Variants in FHIT observed in about 807,000 individuals in gnomAD.
FHIT encodes the protein bis(5'-adenosyl)-triphosphatase.
FHIT carries 19 observed loss-of-function variants against 17.9 expected under a neutral mutation model. The ratio of observed to expected loss-of-function variants is 1.06; its 90% CI spans 0.74 to 1.56. FHIT has a LOEUF of 1.56. FHIT is among the 40% of genes most tolerant of loss of function. The pLI is 0.00. For missense variants in FHIT, 248 were observed against 189.2 expected (o/e 1.31, Z -1.82); for synonymous variants, 81 against 69.7 (o/e 1.16, Z -0.81).
intron 3 of FHIT, among the ~76,000 whole-genome samples, chr3:60,925,493 A>C (rs1373670167): frequency 5.3e-5 from 8 of 152,262 alleles, no homozygotes; most frequent in African/African-American, 1.9e-4. Flanking sequence ...TAAAATACTT[A>C]ACAGACAAGC....
intron 3 of FHIT, among the ~76,000 whole-genome samples, chr3:60,918,760 A>G (rs569537707): frequency 7.2e-5 from 11 of 152,332 alleles, no homozygotes; most frequent in African/African-American, 2.6e-4. Context: ...AAAGAATAAT[A>G]AAGTTATATC....
intron 5 of FHIT, among the ~76,000 whole-genome samples, chr3:60,442,773 T>A (rs2031003223): frequency 6.6e-6 from 1 of 152,162 alleles, no homozygotes; most frequent in African/African-American, 2.4e-5. Flanking sequence ...TTTGGTCCCA[T>A]AAGAACTTTA....
chr3:60,213,429 G>A (rs1189248282), intron 5 of FHIT, among the ~76,000 whole-genome samples: 4 of 152,140 alleles, frequency 2.6e-5, no homozygotes, highest in African/African-American at 9.7e-5. Context: ...TCAGCTTCCT[G>A]GAACAATCGC....
At chr3:61,057,707 A>G (rs1174962066) in intron 2 of FHIT, among the ~76,000 whole-genome samples, 1 of 152,222 alleles carries the variant, frequency 6.6e-6, no homozygotes, top group Admixed American at 6.5e-5. Context: ...TGAAGAAGCT[A>G]TAATGAAAGG....
chr3:60,084,094 C>A (rs77932763), intron 5 of FHIT, among the ~76,000 whole-genome samples: 16 of 152,100 alleles, frequency 1.1e-4, no homozygotes, highest in African/African-American at 3.6e-4. Flanking sequence ...ATCCTCTATA[C>A]GTACATACAT....
At chr3:61,155,702 C>A (rs546405593) in intron 2 of FHIT, among the ~76,000 whole-genome samples, 1 of 152,178 alleles carries the variant, frequency 6.6e-6, no homozygotes, top group South Asian at 2.1e-4. Flanking sequence ...CCATAGAAGG[C>A]CTGAGGTTGC....
intron 8 of FHIT, among the ~76,000 whole-genome samples, chr3:59,823,815 T>A (rs571876796): frequency 4.6e-5 from 7 of 152,224 alleles, no homozygotes; most frequent in Admixed American, 1.3e-4. Context: ...TGTCACCACT[T>A]CTATTCAACA....
chr3:60,857,944 A>T (rs1187120884), intron 3 of FHIT, among the ~76,000 whole-genome samples: 1 of 152,180 alleles, frequency 6.6e-6, no homozygotes, highest in Non-Finnish European at 1.5e-5. Context: ...AAAATAAATC[A>T]ACTGGATCAC....
chr3:60,053,904 C>T (rs982659767), intron 5 of FHIT, among the ~76,000 whole-genome samples: 7 of 152,080 alleles, frequency 4.6e-5, no homozygotes, highest in African/African-American at 1.2e-4. Context: ...CAGACATATG[C>T]GAATTCTTTC....
intron 5 of FHIT, among the ~76,000 whole-genome samples, chr3:60,249,721 C>T (rs904526736): frequency 1.3e-4 from 19 of 150,896 alleles, no homozygotes; most frequent in Non-Finnish European, 5.9e-5. Context: ...CACACACACA[C>T]GGGAGAAGGG....
chr3:60,808,845 C>T (rs1188361706), intron 4 of FHIT, among the ~76,000 whole-genome samples: 2 of 152,174 alleles, frequency 1.3e-5, no homozygotes, highest in African/African-American at 2.4e-5. Flanking sequence ...GTGGCCAAAA[C>T]TTCAGCATGA....
At chr3:61,154,125 A>G (rs1051737138) in intron 2 of FHIT, among the ~76,000 whole-genome samples, 1 of 152,202 alleles carries the variant, frequency 6.6e-6, no homozygotes, top group Admixed American at 6.5e-5. Context: ...TAAATACAGT[A>G]TATTTTCTAG....
chr3:61,100,465 G>A (rs2035783641), intron 2 of FHIT, among the ~76,000 whole-genome samples: 1 of 152,154 alleles, frequency 6.6e-6, no homozygotes, highest in Non-Finnish European at 1.5e-5. Flanking sequence ...TATCATTGAT[G>A]GGCATTTGGG....
intron 7 of FHIT, among the ~76,000 whole-genome samples, chr3:59,974,718 A>G (rs1372954786): frequency 6.6e-6 from 1 of 152,070 alleles, no homozygotes; most frequent in East Asian, 1.9e-4. Context: ...TTAAATCACA[A>G]AACTCACACT....
At chr3:60,506,250 T>C (rs2034724013) in intron 5 of FHIT, among the ~76,000 whole-genome samples, 1 of 152,186 alleles carries the variant, frequency 6.6e-6, no homozygotes, top group African/African-American at 2.4e-5. Context: ...TTTCACATGG[T>C]ACTTTGAGGG....
At chr3:60,133,781 C>T (rs897748773) in intron 5 of FHIT, among the ~76,000 whole-genome samples, 2 of 150,590 alleles carry the variant, frequency 1.3e-5, no homozygotes, top group African/African-American at 4.9e-5. Flanking sequence ...TTCAAATGAC[C>T]TAAATCTAAA....
chr3:60,741,035 C>T (rs2042229508), intron 4 of FHIT, among the ~76,000 whole-genome samples: 1 of 152,112 alleles, frequency 6.6e-6, no homozygotes, highest in Non-Finnish European at 1.5e-5. Flanking sequence ...GAAAAAAAGT[C>T]CAGGGACATA....
intron 8 of FHIT, among the ~76,000 whole-genome samples, chr3:59,915,147 G>A (rs1342779218): frequency 6.6e-6 from 1 of 152,150 alleles, no homozygotes; most frequent in Non-Finnish European, 1.5e-5. Flanking sequence ...CCTCGGAGGA[G>A]GCATTTTCCT....
At chr3:61,119,888 A>C (rs886522457) in intron 2 of FHIT, among the ~76,000 whole-genome samples, 16 of 152,214 alleles carry the variant, frequency 1.1e-4, no homozygotes, top group Non-Finnish European at 2.2e-4. Flanking sequence ...CTTCAGACTC[A>C]GGCTGAGACT....
Sources: allele counts gnomAD v4.1 joint callset (sites outside exome capture counted in the v4.1 genomes callset), GRCh38; gene constraint gnomAD v4.1.1; transcripts MANE v1.5; gene names NCBI Gene and HGNC (gene_info 2026-07-23, HGNC 2026-07-21).